Variants in TMEM217B observed in about 807,000 individuals in gnomAD.
TMEM217B encodes the protein putative transmembrane protein 217B.
chr6:37,215,107 C>T, the TMEM217B span: 4 of 1,536,640 alleles, frequency 2.6e-6, no homozygotes, highest in Non-Finnish European at 3.5e-6. Flanking sequence ...ACCCTCGGCA[C>T]CTCTCTCTTG....
At chr6:37,216,281 G>C in the TMEM217B span, among the ~76,000 whole-genome samples, 1 of 152,036 alleles carries the variant, frequency 6.6e-6, no homozygotes, top group Non-Finnish European at 1.5e-5. Context: ...GTCTCACCAT[G>C]TTGGCCAGGC....
the TMEM217B span, chr6:37,218,396 T>C: frequency 1.3e-6 from 2 of 1,522,576 alleles, no homozygotes; most frequent in Non-Finnish European, 1.8e-6. Context: ...AGGCTGGTCT[T>C]GAACTCCTGA....
At chr6:37,212,770 G>A in the TMEM217B span, 1 of 701,264 alleles carries the variant, frequency 1.4e-6, no homozygotes, top group Non-Finnish European at 2.6e-6. Flanking sequence ...GATGATGATG[G>A]TGGTGAGGGA....
the TMEM217B span, among the ~76,000 whole-genome samples, chr6:37,238,349 A>C: frequency 6.6e-6 from 1 of 152,338 alleles, no homozygotes; most frequent in South Asian, 2.1e-4. Context: ...GCTACTATTT[A>C]TTATGCATAT....
chr6:37,218,647 G>A, the TMEM217B span: 1 of 1,614,126 alleles, frequency 6.2e-7, no homozygotes, highest in African/African-American at 1.3e-5. Flanking sequence ...AGCCAAACCA[G>A]CGCATGATTC....
At chr6:37,245,036 TCA>T in the TMEM217B span, among the ~76,000 whole-genome samples, 1 of 152,276 alleles carries the variant, frequency 6.6e-6, no homozygotes, top group African/African-American at 2.4e-5. Flanking sequence ...AGCAAGCCAA[TCA>T]CACAAGTGCT....
At chr6:37,256,454 A>G in the TMEM217B span, among the ~76,000 whole-genome samples, 1 of 152,212 alleles carries the variant, frequency 6.6e-6, no homozygotes, top group Non-Finnish European at 1.5e-5. Flanking sequence ...AGAGAAAGGC[A>G]AGTAAAATAA....
the TMEM217B span, among the ~76,000 whole-genome samples, chr6:37,227,403 C>A: frequency 6.6e-6 from 1 of 152,178 alleles, no homozygotes; most frequent in East Asian, 1.9e-4. Flanking sequence ...TGCGGCAAAA[C>A]TTCCAAGTGT....
chr6:37,235,555 A>G, the TMEM217B span, among the ~76,000 whole-genome samples: 97 of 151,796 alleles, frequency 6.4e-4, no homozygotes, highest in African/African-American at 2.2e-3. Context: ...TTTAGTAGAG[A>G]TGGGGTTTCA....
the TMEM217B span, among the ~76,000 whole-genome samples, chr6:37,252,635 A>ATTT: frequency 7.0e-4 from 42 of 60,382 alleles, no homozygotes; most frequent in Admixed American, 1.7e-3. Context: ...ATATATATAT[A>ATTT]TATTTTTTTT....
chr6:37,216,915 C>T, the TMEM217B span, among the ~76,000 whole-genome samples: 55 of 152,254 alleles, frequency 3.6e-4, no homozygotes, highest in Admixed American at 1.0e-3. Flanking sequence ...AGGCCCTTAC[C>T]AGACACCAAA....
the TMEM217B span, among the ~76,000 whole-genome samples, chr6:37,221,712 A>G: frequency 6.6e-6 from 1 of 152,346 alleles, no homozygotes; most frequent in Middle Eastern, 3.4e-3. Flanking sequence ...CTCTGTGGCC[A>G]GCGGCACCTT....
chr6:37,212,616 C>A, the TMEM217B span: 25 of 500,388 alleles, frequency 5.0e-5, no homozygotes, highest in Non-Finnish European at 6.7e-5. Context: ...GCAAATAACT[C>A]AGCGTCTTGA....
At chr6:37,214,168 A>G in the TMEM217B span, among the ~76,000 whole-genome samples, 2 of 152,232 alleles carry the variant, frequency 1.3e-5, no homozygotes, top group Admixed American at 1.3e-4. Context: ...ATTCAGTGAC[A>G]TTAAGTACAT....
chr6:37,257,036 T>G, the TMEM217B span, among the ~76,000 whole-genome samples: 1 of 152,366 alleles, frequency 6.6e-6, no homozygotes, highest in African/African-American at 2.4e-5. Context: ...AGATACATCC[T>G]TAACTTTGTG....
At chr6:37,256,288 T>A in the TMEM217B span, among the ~76,000 whole-genome samples, 1 of 152,242 alleles carries the variant, frequency 6.6e-6, no homozygotes, top group African/African-American at 2.4e-5. Flanking sequence ...TAGATTACTC[T>A]TTCAAGACAT....
chr6:37,257,055 G>A, the TMEM217B span, among the ~76,000 whole-genome samples: 1 of 152,208 alleles, frequency 6.6e-6, no homozygotes, highest in Non-Finnish European at 1.5e-5. Context: ...TGATTCACAC[G>A]ATGGAGCAAT....
the TMEM217B span, among the ~76,000 whole-genome samples, chr6:37,226,460 T>A: frequency 6.8e-6 from 1 of 146,064 alleles, no homozygotes; most frequent in African/African-American, 2.5e-5. Flanking sequence ...GCCCAGCTAA[T>A]TTTTTTTTTT....
chr6:37,239,889 A>AT, the TMEM217B span, among the ~76,000 whole-genome samples: 1 of 147,582 alleles, frequency 6.8e-6, no homozygotes, highest in East Asian at 1.9e-4. Context: ...ACCCCAGCTC[A>AT]TTAAAAAAAA....
Sources: gnomAD v4.1 joint callset for allele counts (sites outside exome capture counted in the v4.1 genomes callset) on GRCh38, gnomAD v4.1.1 for gene constraint, MANE v1.5 for transcripts, NCBI Gene and HGNC (gene_info 2026-07-23, HGNC 2026-07-21) for gene names.